Variants in OBSL1 observed in about 807,000 individuals in gnomAD.
OBSL1 encodes the protein obscurin like cytoskeletal adaptor 1.
A neutral mutation model predicts 172.0 loss-of-function variants in OBSL1; 160 were observed. That is an observed-to-expected ratio of 0.93 (90% CI 0.82 to 1.06). The LOEUF (loss-of-function observed/expected upper bound fraction) is 1.06, where lower values mean the gene tolerates loss of function less well. Among genes scored for constraint, OBSL1 ranks in the 50% least tolerant of loss-of-function variants. OBSL1 has a pLI of 0.00. For missense variants in OBSL1, 2,681 were observed against 2,715.4 expected (o/e 0.99, Z 0.28); for synonymous variants, 1,200 against 1,196.3 (o/e 1.00, Z -0.06).
chr2:219,550,680 G>A, downstream of OBSL1: 2 of 1,009,586 alleles, frequency 2.0e-6, no homozygotes. Flanking sequence ...CTGCACAGGG[G>A]CTCCAGGCAA....
rs1408711026 is a variant in OBSL1, at chr2:219,554,525, C to G, written c.4825G>C (p.Val1609Leu). ...CGCAGGGAATCCGCTGTGAAGGAGA[C>G]ACAGCCTGAGTCGGCCAGGCCCAGG... is the stretch of plus-strand genomic sequence containing the variant. ...NGLGLADSGC[V>L]SFTADSLRCA... The change falls in exon 15 of 21, where the codon GTC (valine) becomes CTC (leucine). Residue 1609 changes from valine to leucine, a missense_variant. Val to Leu is a conservative substitution (Grantham distance 32). Around this residue, in one of 5 missense-constraint regions of OBSL1, gnomAD observed 1,765 missense variants for 1,748.3 expected, o/e 1.01. Coordinates refer to ENST00000404537, the MANE Select transcript of OBSL1 (RefSeq NM_015311.3). 3.1e-6 allele frequency: 5 copies of G among 1,613,444 alleles called. No individual in the cohort carries two copies. Among genetic ancestry groups the G allele is most frequent in the Non-Finnish European group, 3.4e-6 (4 of 1,179,874 alleles).
In OBSL1 at chr2:219,571,287, G is replaced by A; in HGVS notation, c.-55C>T. On this transcript the variant is annotated 5_prime_UTR_variant, in exon 1 of 21. Transcript: ENST00000404537. The stretch of plus-strand genomic sequence containing the variant: ...CGGTGGGGGGGCAGGGGGGGGTGCG[G>A]AGGGCGAGCCGAGGCCCGGGGCGGC... The A allele has an allele frequency of 1.0e-6, 1 of 976,634 alleles. No individual in the cohort carries two copies. The highest frequency in any genetic ancestry group is 1.3e-6 in the Non-Finnish European group (1 of 753,234). 60.5% of individuals were successfully genotyped at this position (976,634 alleles called of 1,614,324 possible).
In OBSL1 at chr2:219,571,071, G is replaced by A; in HGVS notation, c.162C>T (p.Ala54=). The change falls in exon 1 of 21, where the codon GCC becomes GCT. Residue 54 remains alanine, a synonymous_variant. Coordinates refer to ENST00000404537, the MANE Select transcript of OBSL1 (RefSeq NM_015311.3). ...CCGCCGGGAAGCTCAGGCGTTCCGA[G>A]GCCGCCAGCTGCTGCCCGCCCTTCT... is the stretch of plus-strand genomic sequence containing the variant. ...VWEKGGQQLA[A]SERLSFPADG... is the part of the protein sequence containing the mutation. The A allele has an allele frequency of 2.7e-6, 4 of 1,466,212 alleles. No homozygotes were observed. The highest frequency in any genetic ancestry group is 3.6e-6 in the Non-Finnish European group (4 of 1,111,934). The allele number at this position is 1,466,212 out of a possible 1,614,324, so 90.8% of individuals were successfully genotyped here. A position where few individuals can be genotyped will look rare whatever the true frequency, so the allele number is the denominator to read the frequency against.
At chr2:219,563,742 G>T (rs1045411553) in intron 6 of OBSL1, 115 bp from the exon 7 acceptor site, 7 of 1,175,870 alleles carry the variant, frequency 6.0e-6, no homozygotes, top group Admixed American at 4.0e-5. Flanking sequence ...GAGGGCTAAG[G>T]TCCTGCTGTG....
intron 1 of OBSL1, 116 bp downstream of exon 1, chr2:219,570,105 C>G (rs1482086395): frequency 1.1e-6 from 1 of 941,080 alleles, no homozygotes; most frequent in Non-Finnish European, 1.5e-6. Context: ...TTAATATTCC[C>G]GCGGACCACC....
chr2:219,553,856 G>T (rs961917725), intron 15 of OBSL1, among the ~76,000 whole-genome samples, 170 bp from the exon 16 acceptor site: 22 of 151,824 alleles, frequency 1.4e-4, no homozygotes, highest in African/African-American at 4.6e-4. Flanking sequence ...GGGGTGGGGG[G>T]GATGTAGGTG....
At chr2:219,563,689 G>C in intron 6 of OBSL1, 62 bp from the exon 7 acceptor site, 1 of 1,540,252 alleles carries the variant, frequency 6.5e-7, no homozygotes, top group Non-Finnish European at 8.9e-7. Flanking sequence ...CAAACTAGCT[G>C]TGTGGCCAGG....
At chr2:219,562,733 A>C in intron 7 of OBSL1, 59 bp from the exon 8 acceptor site, 1 of 1,489,428 alleles carries the variant, frequency 6.7e-7, no homozygotes, top group Non-Finnish European at 9.0e-7. Flanking sequence ...GTCCTCCCTG[A>C]CCCCGTTGTG....
intron 7 of OBSL1, 57 bp downstream of exon 7, chr2:219,563,298 T>C (rs2106072025): frequency 6.8e-7 from 1 of 1,477,614 alleles, no homozygotes; most frequent in South Asian, 1.4e-5. Flanking sequence ...TGGCAGCTGT[T>C]CCAGTGGGAG....
Position 219,552,585 on chromosome 2 carries a change from G to A in OBSL1, c.5259C>T (p.Leu1753=). Reference sequence around the variant, plus strand: ...CTCCGGGTCTCAGCGGGCGGCCTCCGAGCTCCCAGCGCCCCGTGGTCTCGA... The same window carrying A: ...CTCCGGGTCTCAGCGGGCGGCCTCCAAGCTCCCAGCGCCCCGTGGTCTCGA... ...SEVETTGRWE[L]GGRPLRPGAR... is the part of the protein sequence containing the mutation. Residue 1753 remains leucine (L), a synonymous_variant, in exon 18 of 21, where the codon CTC becomes CTT. Transcript: ENST00000404537. The A allele has an allele frequency of 6.3e-7, 1 of 1,589,756 alleles. No homozygotes were observed. The highest frequency in any genetic ancestry group is 8.5e-7 in the Non-Finnish European group (1 of 1,174,540).
In OBSL1 at chr2:219,571,277, G is replaced by A. The variant is rs532623514; in HGVS notation, c.-45C>T. 20 of 1,086,862 alleles carry A rather than the reference G, an allele frequency of 1.8e-5. No individual in the cohort carries two copies. The African/African-American group carries it at 2.7e-4, about 15-fold the overall frequency. 67.3% of individuals were successfully genotyped at this position (1,086,862 alleles called of 1,614,324 possible). A position where few individuals can be genotyped will look rare whatever the true frequency, so the allele number is the denominator to read the frequency against. ...CAGCGGCGAACGGTGGGGGGGCAGG[G>A]GGGGGTGCGGAGGGCGAGCCGAGGC... On this transcript the variant is annotated 5_prime_UTR_variant, in exon 1 of 21. Coordinates refer to ENST00000404537, the MANE Select transcript of OBSL1 (RefSeq NM_015311.3).
At chr2:219,553,285 G>C (rs1175732765) in intron 16 of OBSL1, among the ~76,000 whole-genome samples, 1 of 152,216 alleles carries the variant, frequency 6.6e-6, no homozygotes, top group African/African-American at 2.4e-5. Flanking sequence ...GATCACAGGG[G>C]ACATGGGCAC....
At chr2:219,558,820 T>G (rs1696240165) in intron 9 of OBSL1, among the ~76,000 whole-genome samples, 1 of 152,154 alleles carries the variant, frequency 6.6e-6, no homozygotes, top group South Asian at 2.1e-4. Flanking sequence ...CCTATCCCCT[T>G]TCCCTGCCTT....
chr2:219,567,900 T>C lies in OBSL1; in HGVS notation c.1352A>G (p.Glu451Gly). 1.9e-6 allele frequency: 3 copies of C among 1,613,864 alleles called. No individual in the cohort carries two copies. The highest frequency in any genetic ancestry group is 2.5e-6 in the Non-Finnish European group (3 of 1,179,884). ...TCCCTCGACCCCGGCCTCTAGAGTT[T>C]CCACTAGCAGCACAGCATTCTCTCC... ...LEGENAVLLV[E>G]TLEAGVEGRW... Residue 451 changes from glutamate (E) to glycine (G), a missense_variant, in exon 3 of 21, where the codon GAA becomes GGA. Coordinates refer to ENST00000404537, the MANE Select transcript of OBSL1 (RefSeq NM_015311.3).
intron 7 of OBSL1, chr2:219,562,901 C>G: frequency 1.7e-6 from 1 of 580,578 alleles, no homozygotes; most frequent in Admixed American, 3.1e-5. Context: ...ACAGAGGGGA[C>G]CACGGGGTCA....
chr2:219,571,090 C>T lies in OBSL1; in HGVS notation c.143G>A (p.Gly48Asp). 1 of 1,469,248 alleles carries T rather than the reference C, an allele frequency of 6.8e-7. No individual in the cohort carries two copies. Among genetic ancestry groups the T allele is most frequent in the East Asian group, 2.9e-5 (1 of 33,936 alleles). 91.0% of individuals were successfully genotyped at this position (1,469,248 alleles called of 1,614,324 possible). A position where few individuals can be genotyped will look rare whatever the true frequency, so the allele number is the denominator to read the frequency against. ...EPPPVVVWEK[G>D]GQQLAASERL... ...TTCCGAGGCCGCCAGCTGCTGCCCG[C>T]CCTTCTCCCACACCACTACAGGCGG... Residue 48 changes from glycine (G) to aspartate (D), a missense_variant, in exon 1 of 21, where the codon GGC (glycine) becomes GAC (aspartate). By Grantham distance (94) the Gly-to-Asp change is moderately conservative (BLOSUM62 -1). This residue lies in a region of OBSL1 where 90 missense variants were observed against 76.6 expected (regional missense o/e 1.18). Transcript: ENST00000404537.
Position 219,563,485 on chromosome 2 carries a change from ACTCT to A in OBSL1, c.2546_2549del (p.Glu849ValfsTer69). ...CCTCATTCTCCAGCACCACGAAGTC[ACTCT>A]CCTCCACCTCCTGCCCGTCCTTGTA... On this transcript the variant is annotated frameshift_variant, in exon 7 of 21. Coordinates refer to ENST00000404537, the MANE Select transcript of OBSL1 (RefSeq NM_015311.3). LOFTEE classifies it high-confidence loss of function. 1 of 1,612,650 alleles carries A rather than the reference ACTCT, an allele frequency of 6.2e-7. No individual in the cohort carries two copies. The highest frequency in any genetic ancestry group is 8.5e-7 in the Non-Finnish European group (1 of 1,179,566).
chr2:219,571,477 T>C lies in OBSL1; in HGVS notation c.-245A>G. On this transcript the variant is annotated 5_prime_UTR_variant, in exon 1 of 21. Coordinates refer to ENST00000404537, the MANE Select transcript of OBSL1 (RefSeq NM_015311.3). ...CTGGCGCTCAGGGGGCAGTCCTTCC[T>C]GTTTGCCTCTCCAGCGAGTGGCCCC... is the stretch of plus-strand genomic sequence containing the variant. The C allele has an allele frequency of 3.5e-6, 1 of 287,884 alleles. No homozygotes were observed. Among genetic ancestry groups the C allele is most frequent in the East Asian group, 5.9e-5 (1 of 16,996 alleles). The allele number at this position is 287,884 out of a possible 1,614,324, so 17.8% of individuals were successfully genotyped here.
At chr2:219,561,859 G>A (rs1473536567) in intron 8 of OBSL1, 1 of 717,180 alleles carries the variant, frequency 1.4e-6, no homozygotes, top group Non-Finnish European at 2.6e-6. Flanking sequence ...AGAGGAATGT[G>A]GGCCCCAAAC....
Sources: allele counts gnomAD v4.1 joint callset (sites outside exome capture counted in the v4.1 genomes callset), GRCh38; gene constraint gnomAD v4.1.1; regional missense constraint gnomAD v4.1.1; transcripts MANE v1.5; gene names NCBI Gene and HGNC (gene_info 2026-07-23, HGNC 2026-07-21).